Variants in PDE4D observed in about 807,000 individuals in gnomAD.
PDE4D encodes the protein phosphodiesterase 4D.
A neutral mutation model predicts 87.4 loss-of-function variants in PDE4D; 24 were observed. That is an observed-to-expected ratio of 0.27 (90% CI 0.20 to 0.39). PDE4D has a LOEUF of 0.39. PDE4D is among the 10% of genes least tolerant of loss of function. The pLI is 1.00. For synonymous variants in PDE4D, 384 were observed against 383.2 expected (o/e 1.00, Z -0.02); for missense variants, 714 against 1,041.0 (o/e 0.69, Z 4.32).
At chr5:59,097,733 A>C (rs1241192004) in intron 5 of PDE4D, among the ~76,000 whole-genome samples, 1 of 152,224 alleles carries the variant, frequency 6.6e-6, no homozygotes, top group Non-Finnish European at 1.5e-5. Context: ...GAGTCTGCTT[A>C]AAAGCCAAAT....
At chr5:60,111,327 G>A (rs572266533) in intron 2 of PDE4D, among the ~76,000 whole-genome samples, 1 of 151,906 alleles carries the variant, frequency 6.6e-6, no homozygotes, top group South Asian at 2.1e-4. Context: ...TATCTGACCA[G>A]GATATTTTTG....
At chr5:60,173,382 G>A (rs549216377) in intron 2 of PDE4D, among the ~76,000 whole-genome samples, 1 of 152,120 alleles carries the variant, frequency 6.6e-6, no homozygotes, top group Admixed American at 6.6e-5. Flanking sequence ...AAACTTAAAA[G>A]CATTTTGCAA....
intron 5 of PDE4D, among the ~76,000 whole-genome samples, chr5:59,112,132 A>C (rs941294684): frequency 9.9e-5 from 15 of 152,236 alleles, no homozygotes; most frequent in African/African-American, 3.6e-4. Flanking sequence ...ACAAGCAAAG[A>C]CTTAAAGCAA....
At chr5:59,035,465 T>C (rs1758340934) in intron 6 of PDE4D, among the ~76,000 whole-genome samples, 2 of 152,340 alleles carry the variant, frequency 1.3e-5, no homozygotes, top group African/African-American at 4.8e-5. Context: ...GTGTCTGGTA[T>C]AAATTACAAC....
At chr5:59,752,104 T>A (rs1370185647) in intron 1 of PDE4D, among the ~76,000 whole-genome samples, 1 of 152,164 alleles carries the variant, frequency 6.6e-6, no homozygotes, top group Non-Finnish European at 1.5e-5. Flanking sequence ...GGTTGAGTAA[T>A]CATATTCTAA....
intron 1 of PDE4D, among the ~76,000 whole-genome samples, chr5:60,217,889 G>C (rs1365430257): frequency 6.6e-6 from 1 of 151,820 alleles, no homozygotes; most frequent in African/African-American, 2.4e-5. Flanking sequence ...GAAAAACACT[G>C]ACAATATCAC....
At chr5:59,023,396 C>A (rs1336311534) in intron 6 of PDE4D, among the ~76,000 whole-genome samples, 1 of 148,326 alleles carries the variant, frequency 6.7e-6, no homozygotes, top group Non-Finnish European at 1.5e-5. Flanking sequence ...TTTGGGAGGC[C>A]AAGGCAGGAG....
intron 2 of PDE4D, among the ~76,000 whole-genome samples, chr5:60,144,335 G>T (rs1780815425): frequency 1.3e-5 from 2 of 152,196 alleles, no homozygotes; most frequent in Non-Finnish European, 2.9e-5. Flanking sequence ...ACTGTCAACA[G>T]AAATCCCATA....
At chr5:59,256,372 G>A (rs571815565) in intron 1 of PDE4D, among the ~76,000 whole-genome samples, 2 of 152,140 alleles carry the variant, frequency 1.3e-5, no homozygotes, top group South Asian at 4.2e-4. Flanking sequence ...TAATAGGCAT[G>A]AATTTGTTTG....
chr5:59,937,569 A>G (rs746530255), intron 3 of PDE4D, among the ~76,000 whole-genome samples: 5 of 152,178 alleles, frequency 3.3e-5, no homozygotes, highest in Admixed American at 6.5e-5. Flanking sequence ...TGTCCTCACA[A>G]GGACTTTCCC....
At chr5:59,053,645 G>GTTTTTGTTTGTTTTTTTT (rs1761889082) in intron 5 of PDE4D, among the ~76,000 whole-genome samples, 1 of 68,794 alleles carries the variant, frequency 1.5e-5, no homozygotes, top group Non-Finnish European at 3.1e-5. Flanking sequence ...TTTGTTTTTT[G>GTTTTTGTTTGTTTTTTTT]TTTTTTTTTG....
intron 1 of PDE4D, among the ~76,000 whole-genome samples, chr5:60,249,397 A>G (rs139764827): frequency 6.6e-6 from 1 of 152,082 alleles, no homozygotes; most frequent in African/African-American, 2.4e-5. Flanking sequence ...AGTGAAATGG[A>G]TCATTCAAGA....
At chr5:59,276,171 G>C in intron 1 of PDE4D, 4 of 973,502 alleles carry the variant, frequency 4.1e-6, no homozygotes, top group Non-Finnish European at 4.9e-6. Context: ...GCCTAGCCTC[G>C]TCAATTGCTG....
At chr5:59,324,536 AT>A (rs573130820) in intron 1 of PDE4D, among the ~76,000 whole-genome samples, 1 of 151,976 alleles carries the variant, frequency 6.6e-6, no homozygotes, top group Admixed American at 6.6e-5. Context: ...TCTGGAAATG[AT>A]TTTTTTTCTT....
chr5:59,506,938 A>T (rs1408315782), intron 1 of PDE4D, among the ~76,000 whole-genome samples: 1 of 152,192 alleles, frequency 6.6e-6, no homozygotes, highest in East Asian at 1.9e-4. Context: ...CTATATACCC[A>T]TCAGAAATAT....
At position 59,559,809 on chromosome 5, in the gene PDE4D, C is replaced by T. The variant is rs977386471; in HGVS notation, c.455+333359G>A. 4.6e-5 allele frequency among the ~76,000 whole-genome samples: 7 copies of T among 152,266 alleles called. No individual in the cohort carries two copies. The East Asian group carries it at 5.8e-4, about 13-fold the overall frequency. On this transcript the variant is annotated intron_variant, in intron 1 of 14. Transcript: ENST00000340635. ...CTTGTGTATTTGTTGTTGTCTGGAACGACATCATCAAGGATCAATCACATT... is the reference window on the plus strand; with the variant it reads ...CTTGTGTATTTGTTGTTGTCTGGAATGACATCATCAAGGATCAATCACATT...
chr5:59,856,060 T>C lies in PDE4D; in HGVS notation c.455+37108A>G, dbSNP rs138178298. Among the ~76,000 whole-genome samples, 5 of 152,282 alleles carry C rather than the reference T, an allele frequency of 3.3e-5. No homozygotes were observed. In the East Asian group the frequency reaches 9.7e-4, roughly 29 times the overall value. On this transcript the variant is annotated intron_variant, in intron 1 of 14. Transcript: ENST00000340635. ...TCCGATGTGAAAAGTAGACTGAATG[T>C]AGAGCTCATAATTCTACTTCAATAC...
chr5:59,717,708 A>G (rs969425492), intron 1 of PDE4D, among the ~76,000 whole-genome samples: 2 of 152,218 alleles, frequency 1.3e-5, no homozygotes, highest in Non-Finnish European at 2.9e-5. Flanking sequence ...AATTAGAAAC[A>G]TTTAAGTTTC....
At chr5:59,407,232 C>T (rs190258567) in intron 1 of PDE4D, among the ~76,000 whole-genome samples, 27 of 152,262 alleles carry the variant, frequency 1.8e-4, no homozygotes, top group African/African-American at 4.8e-4. Flanking sequence ...CCTTCCTTCC[C>T]GCTCTCTCTC....
Sources: gnomAD v4.1 joint callset for allele counts (sites outside exome capture counted in the v4.1 genomes callset) on GRCh38, gnomAD v4.1.1 for gene constraint, MANE v1.5 for transcripts, NCBI Gene and HGNC (gene_info 2026-07-23, HGNC 2026-07-21) for gene names.